Variants in ROCK2 observed in about 807,000 individuals in gnomAD.
ROCK2 encodes the protein Rho associated coiled-coil containing protein kinase 2.
ROCK2 carries 61 observed loss-of-function variants against 195.1 expected under a neutral mutation model. That is an observed-to-expected ratio of 0.31 (90% CI 0.25 to 0.39). ROCK2 has a LOEUF of 0.39. Among genes scored for constraint, ROCK2 ranks in the 10% least tolerant of loss-of-function variants. ROCK2 has a pLI of 1.00. For synonymous variants in ROCK2, 504 were observed against 545.5 expected (o/e 0.92, Z 1.06); for missense variants, 1,109 against 1,637.4 (o/e 0.68, Z 5.57).
At position 11,335,174 on chromosome 2, in the gene ROCK2, G is replaced by A. The variant is rs181455742; in HGVS notation, c.141+8822C>T. 4.3e-3 allele frequency among the ~76,000 whole-genome samples: 652 copies of A among 151,538 alleles called. 2 individuals carry two copies. Among genetic ancestry groups the A allele is most frequent in the African/African-American group, 0.014 (588 of 41,284 alleles). ...AGACACACACACGGAAGGGGAAGGC[G>A]GGGAATGAGAGAAATGCTAAGTATT... On this transcript the variant is annotated intron_variant, in intron 1 of 32. Transcript: ENST00000315872.
rs35881542 is a variant in ROCK2, at chr2:11,195,318, C to CAA, written c.3449-295_3449-294dup. 86 of 137,958 alleles carry CAA rather than the reference C, an allele frequency of 6.2e-4. No individual in the cohort carries two copies. In the East Asian group the frequency reaches 8.0e-3, roughly 13 times the overall value. The allele number at this position is 137,958 out of a possible 1,614,324, so 8.5% of individuals were successfully genotyped here. On this transcript the variant is annotated intron_variant, in intron 27 of 32. Coordinates refer to ENST00000315872, the MANE Select transcript of ROCK2 (RefSeq NM_004850.5). ...TTATAAAATTCAGGAGAAAAGTTGCCAAAAAAAAAAAAAAGGCAGCAGCAG... is the reference window on the plus strand; with the variant it reads ...TTATAAAATTCAGGAGAAAAGTTGCCAAAAAAAAAAAAAAAAGGCAGCAGCAG...
intron 1 of ROCK2, chr2:11,308,290 C>G: frequency 8.9e-7 from 1 of 1,119,784 alleles, no homozygotes; most frequent in South Asian, 1.2e-5. Flanking sequence ...AATTGGAGAA[C>G]CTGAAGAAGC....
Position 11,214,946 on chromosome 2 carries a change from C to T in ROCK2, c.1830G>A (p.Glu610=), listed in dbSNP as rs2148065452. The change falls in exon 16 of 33, where the codon GAG becomes GAA. Residue 610 remains glutamate (E), a synonymous_variant. Coordinates refer to ENST00000315872, the MANE Select transcript of ROCK2 (RefSeq NM_004850.5). ...CCTTTTCAAGTTTTAACTTGGCAGT[C>T]TCCAGCAGGCAGTTTTTATCTTGTA... is the stretch of plus-strand genomic sequence containing the variant. ...RDLQDKNCLL[E]TAKLKLEKEF... The T allele has an allele frequency of 6.2e-7, 1 of 1,614,122 alleles. No individual in the cohort carries two copies.
intron 5 of ROCK2, among the ~76,000 whole-genome samples, chr2:11,230,760 T>C (rs758670764): frequency 2.0e-5 from 3 of 152,128 alleles, no homozygotes; most frequent in Non-Finnish European, 2.9e-5. Flanking sequence ...TCAAAAAATA[T>C]CATAAATCGA....
At position 11,215,102 on chromosome 2, in the gene ROCK2, AAACCAAACAACAAC is replaced by A; in HGVS notation, c.1690-30_1690-17del. Reference sequence around the variant, plus strand: ...TTTCATCCAGCTGTTATTCCATTCAAAACCAAACAACAACAAACAAACACACATGTATGTAATGA... The same window carrying A: ...TTTCATCCAGCTGTTATTCCATTCAAAAACAAACACACATGTATGTAATGA... On this transcript the variant is annotated splice_polypyrimidine_tract_variant and intron_variant, in intron 15 of 32. Transcript: ENST00000315872. The A allele has an allele frequency of 6.2e-7, 1 of 1,612,946 alleles. No individual in the cohort carries two copies. The highest frequency in any genetic ancestry group is 2.2e-5 in the East Asian group (1 of 44,846).
At chr2:11,277,774 G>A (rs1037600285) in intron 3 of ROCK2, among the ~76,000 whole-genome samples, 3 of 152,100 alleles carry the variant, frequency 2.0e-5, no homozygotes, top group African/African-American at 7.2e-5. Context: ...AATTGTGAAT[G>A]GTGCTGCTAT....
chr2:11,294,188 G>C (rs1181516375), intron 1 of ROCK2, among the ~76,000 whole-genome samples: 1 of 151,840 alleles, frequency 6.6e-6, no homozygotes, highest in African/African-American at 2.4e-5. Context: ...GTAAGACAAA[G>C]AGAGAGAGAA....
intron 1 of ROCK2, among the ~76,000 whole-genome samples, chr2:11,319,570 T>C (rs562615679): frequency 6.6e-6 from 1 of 152,280 alleles, no homozygotes; most frequent in Non-Finnish European, 1.5e-5. Flanking sequence ...ACTTCCTCTT[T>C]TCCTAATTGA....
intron 20 of ROCK2, among the ~76,000 whole-genome samples, chr2:11,205,370 T>G (rs932610465): frequency 6.6e-6 from 1 of 152,228 alleles, no homozygotes; most frequent in Non-Finnish European, 1.5e-5. Context: ...TTTCTTCTTT[T>G]GTTCTACTTC....
intron 1 of ROCK2, among the ~76,000 whole-genome samples, chr2:11,334,302 G>T: frequency 6.6e-6 from 1 of 152,096 alleles, no homozygotes; most frequent in Middle Eastern, 3.2e-3. Flanking sequence ...CACAAGGTCA[G>T]GAGTTTGAGA....
chr2:11,220,830 T>C (rs1257311118), intron 9 of ROCK2, among the ~76,000 whole-genome samples: 1 of 152,234 alleles, frequency 6.6e-6, no homozygotes, highest in Non-Finnish European at 1.5e-5. Flanking sequence ...AGATGACTTC[T>C]ATTTTTCTTC....
chr2:11,269,237 A>AGT (rs1301436152), intron 3 of ROCK2, among the ~76,000 whole-genome samples: 2 of 152,174 alleles, frequency 1.3e-5, no homozygotes, highest in African/African-American at 4.8e-5. Flanking sequence ...TTTGGCCAGT[A>AGT]GTGGTGGCTC....
intron 1 of ROCK2, among the ~76,000 whole-genome samples, chr2:11,330,555 A>G (rs973300637): frequency 6.6e-6 from 1 of 152,144 alleles, no homozygotes; most frequent in African/African-American, 2.4e-5. Flanking sequence ...CTGTGCTAAT[A>G]CACTTTCTTT....
chr2:11,342,326 A>C (rs888869536), intron 1 of ROCK2, among the ~76,000 whole-genome samples: 1 of 152,216 alleles, frequency 6.6e-6, no homozygotes, highest in Non-Finnish European at 1.5e-5. Flanking sequence ...CTGTGTCCTG[A>C]ACATGTGAGA....
intron 3 of ROCK2, among the ~76,000 whole-genome samples, chr2:11,263,397 A>G (rs1240163973): frequency 1.3e-5 from 2 of 152,046 alleles, no homozygotes; most frequent in East Asian, 1.9e-4. Flanking sequence ...TTAGTTACCA[A>G]TGTCTGGGTT....
intron 10 of ROCK2, 155 bp downstream of exon 10, chr2:11,218,811 C>T (rs1483181359): frequency 2.0e-6 from 1 of 503,558 alleles, no homozygotes; most frequent in Non-Finnish European, 3.6e-6. Context: ...TCACATAAAT[C>T]AATCATTGCA....
At chr2:11,309,743 G>T (rs532595843) in intron 1 of ROCK2, among the ~76,000 whole-genome samples, 1 of 152,312 alleles carries the variant, frequency 6.6e-6, no homozygotes, top group South Asian at 2.1e-4. Flanking sequence ...ACTTTGGGAA[G>T]CTAAGGCAGG....
intron 1 of ROCK2, among the ~76,000 whole-genome samples, chr2:11,332,767 T>C (rs1282105346): frequency 6.6e-6 from 1 of 152,224 alleles, no homozygotes; most frequent in Non-Finnish European, 1.5e-5. Flanking sequence ...AATGAAAACA[T>C]ATGCCCTCAC....
At chr2:11,307,652 A>G (rs923760250) in intron 1 of ROCK2, among the ~76,000 whole-genome samples, 4 of 152,286 alleles carry the variant, frequency 2.6e-5, no homozygotes, top group African/African-American at 9.6e-5. Flanking sequence ...TAACAAATAT[A>G]TCTGAATCTA....
Sources: gnomAD v4.1 joint callset for allele counts (sites outside exome capture counted in the v4.1 genomes callset) on GRCh38, gnomAD v4.1.1 for gene constraint, MANE v1.5 for transcripts, NCBI Gene and HGNC (gene_info 2026-07-23, HGNC 2026-07-21) for gene names.